The following VTA1 variants were observed in gnomAD, a reference collection of about 807,000 sequenced individuals.
The protein encoded by VTA1 is vesicle trafficking 1, also known as vacuolar protein sorting-associated protein VTA1 homolog.
In VTA1, 24 loss-of-function variants were observed where a neutral mutation model predicts 36.9. The observed-to-expected ratio is 0.65, with a 90% CI of 0.47 to 0.91. The LOEUF is 0.91. Ranked by LOEUF, VTA1 falls within the 40% of genes least tolerant of loss-of-function variation. The probability of loss-of-function intolerance (pLI) is 0.00; values close to 1 mark genes in which losing one functional copy is unlikely to be tolerated. For synonymous variants in VTA1, 142 were observed against 130.2 expected, an observed-to-expected ratio of 1.09 and a Z score of -0.62; for missense variants, 393 against 377.2, an observed-to-expected ratio of 1.04 and a Z score of -0.35.
Position 142,197,813 on chromosome 6 carries a change from G to A in VTA1, c.521-626G>A, listed in dbSNP as rs11969762. Among the ~76,000 whole-genome samples the A allele has an allele frequency of 8.5e-3, 1,289 of 151,732 alleles. 13 individuals are homozygous for A. Among genetic ancestry groups the A allele is most frequent in the African/African-American group, 0.029 (1,206 of 41,374 alleles). On this transcript the variant is annotated intron_variant, in intron 5 of 7. Coordinates refer to ENST00000367630, the MANE Select transcript of VTA1 (RefSeq NM_016485.5). ...ACATATTCTGGGTGTGGTGGCTCAC[G>A]CCTGTAATTCCAGCACTTTGGGAGG...
At chr6:142,148,088 A>G (rs1231929102) in intron 1 of VTA1, among the ~76,000 whole-genome samples, 2 of 152,240 alleles carry the variant, frequency 1.3e-5, no homozygotes, top group Non-Finnish European at 2.9e-5. Context: ...TAGTGAGTAA[A>G]GGGAGTGCCA....
At chr6:142,176,417 G>A (rs951782276) in intron 4 of VTA1, among the ~76,000 whole-genome samples, 25 of 152,322 alleles carry the variant, frequency 1.6e-4, no homozygotes, top group African/African-American at 5.8e-4. Flanking sequence ...TTAATGAAAT[G>A]TAGGGAAGGT....
intron 5 of VTA1, among the ~76,000 whole-genome samples, chr6:142,190,290 C>G (rs1444315589): frequency 6.6e-6 from 1 of 152,134 alleles, no homozygotes; most frequent in African/African-American, 2.4e-5. Flanking sequence ...CTTCCCAGAT[C>G]CTACCAAAAC....
At chr6:142,188,225 C>CTTTCT (rs1775383705) in intron 4 of VTA1, among the ~76,000 whole-genome samples, 1 of 78,928 alleles carries the variant, frequency 1.3e-5, no homozygotes, top group South Asian at 4.9e-4. Flanking sequence ...TTCTTTATTT[C>CTTTCT]TTTTTTTTTT....
intron 1 of VTA1, among the ~76,000 whole-genome samples, chr6:142,164,309 T>A (rs1434954453): frequency 2.6e-5 from 4 of 152,164 alleles, no homozygotes; most frequent in African/African-American, 9.7e-5. Flanking sequence ...TCAGTGCTAG[T>A]TAGTGTGCAG....
intron 5 of VTA1, among the ~76,000 whole-genome samples, chr6:142,190,477 A>T (rs979799996): frequency 6.6e-6 from 1 of 152,162 alleles, no homozygotes; most frequent in African/African-American, 2.4e-5. Context: ...TTTTACCATC[A>T]CACAGTGCGT....
Position 142,218,706 on chromosome 6 carries a change from T to A in VTA1, c.*63T>A. ...GGAACTAACAGTCCATTACTCTATCTTCAGCCTATCAGGATCACAGTTTTA... is the reference window on the plus strand; with the variant it reads ...GGAACTAACAGTCCATTACTCTATCATCAGCCTATCAGGATCACAGTTTTA... On this transcript the variant is annotated 3_prime_UTR_variant, in exon 8 of 8. Coordinates refer to ENST00000367630, the MANE Select transcript of VTA1 (RefSeq NM_016485.5). 1 of 1,509,790 alleles carries A rather than the reference T, an allele frequency of 6.6e-7. No individual in the cohort carries two copies. The highest frequency in any genetic ancestry group is 1.3e-5 in the South Asian group (1 of 75,494). The allele number at this position is 1,509,790 out of a possible 1,614,324, so 93.5% of individuals were successfully genotyped here.
intron 5 of VTA1, among the ~76,000 whole-genome samples, chr6:142,197,116 G>C (rs923404719): frequency 6.6e-5 from 10 of 152,004 alleles, no homozygotes; most frequent in Non-Finnish European, 1.5e-5. Context: ...ATTTCTACCA[G>C]CTTTTGGTCA....
At chr6:142,151,847 AAT>A (rs1160213421) in intron 1 of VTA1, among the ~76,000 whole-genome samples, 19 of 152,154 alleles carry the variant, frequency 1.2e-4, no homozygotes, top group Non-Finnish European at 2.6e-4. Flanking sequence ...CAGCCTGGCC[AAT>A]ATGGTGAAAC....
intron 7 of VTA1, among the ~76,000 whole-genome samples, chr6:142,218,116 T>TA (rs1186232265): frequency 2.0e-5 from 3 of 152,176 alleles, no homozygotes; most frequent in Non-Finnish European, 2.9e-5. Context: ...ACTTTTTTTT[T>TA]ATTGAAGGTG....
intron 2 of VTA1, among the ~76,000 whole-genome samples, chr6:142,167,859 A>G (rs1454974350): frequency 6.6e-6 from 1 of 152,234 alleles, no homozygotes; most frequent in East Asian, 1.9e-4. Flanking sequence ...AATGTTTCTC[A>G]CACATAGCAG....
rs374089816 is a variant in VTA1, at chr6:142,221,009, T to G, written c.*2366T>G. ...TTTGGGCCCCACCTGTCCTACCCAA[T>G]CAGAAACTCTAGGGATGGGTCCCAG... On this transcript the variant is annotated 3_prime_UTR_variant, in exon 8 of 8. Transcript: ENST00000367630. 1.3e-5 allele frequency: 2 copies of G among 152,254 alleles called. No individual in the cohort carries two copies. Among genetic ancestry groups the G allele is most frequent in the East Asian group, 3.9e-4 (2 of 5,176 alleles). 9.4% of individuals were successfully genotyped at this position (152,254 alleles called of 1,614,324 possible).
At chr6:142,191,125 C>T (rs954844109) in intron 5 of VTA1, among the ~76,000 whole-genome samples, 1 of 152,024 alleles carries the variant, frequency 6.6e-6, no homozygotes, top group Non-Finnish European at 1.5e-5. Context: ...AGATGGTCTA[C>T]AGTTTTCCTT....
At chr6:142,211,424 C>T (rs922138727) in intron 7 of VTA1, among the ~76,000 whole-genome samples, 20 of 152,100 alleles carry the variant, frequency 1.3e-4, no homozygotes, top group African/African-American at 4.1e-4. Flanking sequence ...AATGATAACG[C>T]AGATTTCATT....
intron 6 of VTA1, among the ~76,000 whole-genome samples, chr6:142,200,147 C>T (rs780936686): frequency 1.8e-4 from 27 of 152,050 alleles, no homozygotes; most frequent in Non-Finnish European, 2.9e-4. Flanking sequence ...TTTAACTTCT[C>T]GTGACCTTAA....
intron 5 of VTA1, among the ~76,000 whole-genome samples, chr6:142,193,831 A>G (rs1055814104): frequency 6.6e-6 from 1 of 151,952 alleles, no homozygotes; most frequent in Non-Finnish European, 1.5e-5. Flanking sequence ...TCACTGTCCT[A>G]CCTCAGGGGT....
At chr6:142,163,626 A>G (rs1774855798) in intron 1 of VTA1, among the ~76,000 whole-genome samples, 1 of 152,162 alleles carries the variant, frequency 6.6e-6, no homozygotes, top group African/African-American at 2.4e-5. Flanking sequence ...AGAAGGAATC[A>G]GAAAATGTAG....
intron 2 of VTA1, 33 bp from the exon 3 acceptor site, chr6:142,169,517 A>G: frequency 6.3e-7 from 1 of 1,596,546 alleles, no homozygotes; most frequent in South Asian, 1.2e-5. Flanking sequence ...TGAGAGTCCA[A>G]AATCATAAGC....
chr6:142,168,414 T>G (rs879673406), intron 2 of VTA1, among the ~76,000 whole-genome samples: 3 of 152,112 alleles, frequency 2.0e-5, no homozygotes, highest in Admixed American at 6.5e-5. Flanking sequence ...TCCTGGGGCT[T>G]CTTTTAATTT....
Sources: allele counts gnomAD v4.1 joint callset (sites outside exome capture counted in the v4.1 genomes callset), GRCh38; gene constraint gnomAD v4.1.1; transcripts MANE v1.5; gene names NCBI Gene and HGNC (gene_info 2026-07-23, HGNC 2026-07-21).